Variants in EIF5A observed in about 807,000 individuals in gnomAD.
The protein encoded by EIF5A is eukaryotic translation initiation factor 5A, also known as eukaryotic translation initiation factor 5A-1.
Under a neutral mutation model 16.6 loss-of-function variants are expected in EIF5A, and 1 was observed. The ratio of observed to expected loss-of-function variants is 0.06; its 90% CI spans 0.02 to 0.28. The LOEUF (loss-of-function observed/expected upper bound fraction) is 0.28. EIF5A is among the 10% of genes least tolerant of loss of function. EIF5A has a pLI of 1.00. For missense variants in EIF5A, 29 were observed against 196.1 expected (o/e 0.15, Z 5.09); for synonymous variants, 80 against 73.6 (o/e 1.09, Z -0.44).
At chr17:7,309,837 C>A (rs780733245) in intron 2 of EIF5A, 37 bp downstream of exon 2, 2 of 1,614,204 alleles carry the variant, frequency 1.2e-6, no homozygotes, top group African/African-American at 1.3e-5. Flanking sequence ...CTTCCCCATG[C>A]CTCCAGTATC....
At chr17:7,310,701 A>T in intron 2 of EIF5A, 1 of 985,352 alleles carries the variant, frequency 1.0e-6, no homozygotes, top group South Asian at 4.7e-5. Flanking sequence ...AAACTCTTCG[A>T]AACTTTTACT....
chr17:7,309,129 TG>T lies in EIF5A; in HGVS notation c.-21-477del, dbSNP rs371340314. Among the ~76,000 whole-genome samples the T allele has an allele frequency of 5.5e-3, 670 of 121,466 alleles. 3 individuals carry two copies. Among genetic ancestry groups the T allele is most frequent in the African/African-American group, 0.017 (557 of 33,210 alleles). 79.7% of individuals were successfully genotyped at this position (121,466 alleles called of 152,430 possible). On this transcript the variant is annotated intron_variant, in intron 1 of 5. Transcript: ENST00000336458. ...TAGCAGTGACTGGTTTGTGTGTGGA[TG>T]GGGGGGGGCAGTGTAACAGATGGGT...
chr17:7,309,187 C>A (rs931353154), intron 1 of EIF5A, among the ~76,000 whole-genome samples: 6 of 151,836 alleles, frequency 4.0e-5, no homozygotes, highest in Non-Finnish European at 5.9e-5. Context: ...CACCCTCCCC[C>A]CCCCCAATTA....
upstream of EIF5A, chr17:7,307,195 G>C (rs925367404): frequency 3.8e-5 from 55 of 1,456,054 alleles, no homozygotes; most frequent in East Asian, 1.4e-3. Context: ...AAGTGATCTA[G>C]CGGCGTGGTC....
Position 7,311,651 on chromosome 17 carries a change from G to A in EIF5A, c.*11G>A. The A allele has an allele frequency of 6.2e-7, 1 of 1,614,078 alleles. No individual in the cohort carries two copies. Among genetic ancestry groups the A allele is most frequent in the South Asian group, 1.1e-5 (1 of 91,072 alleles). ...GCCATGGCAAAATAACTGGCTCCCA[G>A]GTGAGTGTGACAAATCCCTCACTGT... On this transcript the variant is annotated splice_region_variant and 3_prime_UTR_variant, in exon 5 of 6. Transcript: ENST00000336458.
At chr17:7,309,466 G>A (rs564858502) in intron 1 of EIF5A, 149 bp from the exon 2 acceptor site, 1 of 1,024,458 alleles carries the variant, frequency 9.8e-7, no homozygotes, top group Non-Finnish European at 1.4e-6. Context: ...TTTGAGCCCA[G>A]TCAGTATTTT....
chr17:7,307,202 G>C, upstream of EIF5A: 1 of 1,422,950 alleles, frequency 7.0e-7, no homozygotes, highest in Non-Finnish European at 9.5e-7. Context: ...CTAGCGGCGT[G>C]GTCTTTTCAA....
rs2072662590 is a variant in EIF5A, at chr17:7,307,643, TGCAGCAGCGGCGGCGGCGGTAGAG to T, written c.-128_-105del. The T allele has an allele frequency of 3.8e-6, 4 of 1,049,402 alleles. No homozygotes were observed. Among genetic ancestry groups the T allele is most frequent in the Non-Finnish European group, 4.6e-6 (4 of 871,572 alleles). The allele number at this position is 1,049,402 out of a possible 1,614,324, so 65.0% of individuals were successfully genotyped here. On this transcript the variant is annotated 5_prime_UTR_variant, in exon 1 of 6. Coordinates refer to ENST00000336458, the MANE Select transcript of EIF5A (RefSeq NM_001970.5). The stretch of plus-strand genomic sequence containing the variant: ...CGGCGCCTGCGTACTAAGACCCGTG[TGCAGCAGCGGCGGCGGCGGTAGAG>T]GCGGCGGCGGCGGCGGCAGCGGGCT...
intron 1 of EIF5A, chr17:7,308,154 G>A: frequency 1.4e-6 from 1 of 706,716 alleles, no homozygotes; most frequent in Non-Finnish European, 1.8e-6. Flanking sequence ...ATGATGGGGG[G>A]GGTTGGCGGA....
At chr17:7,310,371 C>A in intron 2 of EIF5A, 1 of 1,205,262 alleles carries the variant, frequency 8.3e-7, no homozygotes, top group Non-Finnish European at 1.0e-6. Flanking sequence ...TTTTAACATT[C>A]TTGCTAGCAC....
intron 2 of EIF5A, chr17:7,310,656 C>G (rs2072793917): frequency 1.0e-6 from 1 of 985,236 alleles, no homozygotes; most frequent in Admixed American, 6.2e-5. Context: ...CTTCCTTATT[C>G]CCCAGTTTCT....
In EIF5A at chr17:7,311,131, A is replaced by G. The variant is rs1567613352; in HGVS notation, c.270+9A>G. ...AAAGGAATGACTTCCAGGTATGTAG[A>G]TGGTCTGGATGAGGATGGGTTAGCG... On this transcript the variant is annotated intron_variant, in intron 3 of 5. Coordinates refer to ENST00000336458, the MANE Select transcript of EIF5A (RefSeq NM_001970.5). The G allele has an allele frequency of 3.7e-6, 6 of 1,613,074 alleles. No homozygotes were observed. The South Asian group carries it at 5.5e-5, about 15-fold the overall frequency.
At chr17:7,310,947 G>T in intron 2 of EIF5A, 71 bp from the exon 3 acceptor site, 1 of 1,529,140 alleles carries the variant, frequency 6.5e-7, no homozygotes, top group Non-Finnish European at 8.8e-7. Context: ...CATCAGGCAA[G>T]GTCAATTTGA....
At chr17:7,310,489 C>G in intron 2 of EIF5A, 2 of 1,171,570 alleles carry the variant, frequency 1.7e-6, no homozygotes, top group South Asian at 3.4e-5. Context: ...CATCTTTTGA[C>G]TTGACATTGA....
chr17:7,310,591 A>G (rs2072791412), intron 2 of EIF5A: 1 of 1,066,022 alleles, frequency 9.4e-7, no homozygotes, highest in Non-Finnish European at 1.1e-6. Flanking sequence ...TCTCCCTGCA[A>G]GTCCTTTTCT....
upstream of EIF5A, chr17:7,307,223 A>G: frequency 7.5e-7 from 1 of 1,324,692 alleles, no homozygotes; most frequent in Non-Finnish European, 1.0e-6. Flanking sequence ...CGCCTGGCGT[A>G]CTGACGGCGT....
chr17:7,308,154 G>T (rs1200194292), intron 1 of EIF5A: 1 of 706,716 alleles, frequency 1.4e-6, no homozygotes, highest in Non-Finnish European at 1.8e-6. Flanking sequence ...ATGATGGGGG[G>T]GGTTGGCGGA....
intron 2 of EIF5A, chr17:7,310,772 C>A (rs550356652): frequency 1.0e-6 from 1 of 985,440 alleles, no homozygotes; most frequent in East Asian, 1.1e-4. Context: ...TAACTGTCTT[C>A]TCCAAGCCTG....
intron 1 of EIF5A, chr17:7,308,457 G>C: frequency 7.5e-7 from 1 of 1,340,428 alleles, no homozygotes; most frequent in Non-Finnish European, 9.8e-7. Flanking sequence ...GAAGCCGGAG[G>C]CTCGGGTCCT....
Sources: gnomAD v4.1 joint callset for allele counts (sites outside exome capture counted in the v4.1 genomes callset) on GRCh38, gnomAD v4.1.1 for gene constraint, MANE v1.5 for transcripts, NCBI Gene and HGNC (gene_info 2026-07-23, HGNC 2026-07-21) for gene names.